ERC2: variants seen among roughly 807,000 people sequenced by gnomAD.
ERC2 encodes ERC protein 2.
ERC2 carries 42 observed loss-of-function variants against 114.8 expected under a neutral mutation model. That is an observed-to-expected ratio of 0.37 (90% CI 0.29 to 0.47). The LOEUF (loss-of-function observed/expected upper bound fraction) is 0.47. ERC2 is among the 20% of genes least tolerant of loss of function. ERC2 has a pLI of 0.99. For synonymous variants in ERC2, 454 were observed against 425.5 expected (o/e 1.07, Z -0.82); for missense variants, 939 against 1,150.7 (o/e 0.82, Z 2.66).
intron 17 of ERC2, among the ~76,000 whole-genome samples, chr3:55,601,037 G>A (rs917660664): frequency 2.0e-5 from 3 of 152,234 alleles, no homozygotes; most frequent in Admixed American, 6.5e-5. Context: ...CACACCATGC[G>A]GACGGGGGCT....
At chr3:55,689,909 C>T (rs999566394) in intron 16 of ERC2, among the ~76,000 whole-genome samples, 6 of 152,066 alleles carry the variant, frequency 3.9e-5, no homozygotes, top group African/African-American at 1.4e-4. Context: ...GTAAATTAAA[C>T]CACTTTGTGG....
intron 1 of ERC2, among the ~76,000 whole-genome samples, chr3:56,453,839 T>A (rs923654): frequency 0.34 from 52,122 of 151,846 alleles, 9,262 homozygotes; most frequent in Admixed American, 0.48. Context: ...GGAGGTGACA[T>A]AGTTGTACAA....
intron 10 of ERC2, among the ~76,000 whole-genome samples, chr3:56,003,604 A>G (rs1308881360): frequency 6.6e-6 from 1 of 152,126 alleles, no homozygotes; most frequent in Non-Finnish European, 1.5e-5. Flanking sequence ...TATTCGGTCT[A>G]TCTTCAGAAA....
chr3:55,523,440 T>A (rs1216235644), intron 17 of ERC2, among the ~76,000 whole-genome samples: 1 of 152,208 alleles, frequency 6.6e-6, no homozygotes, highest in African/African-American at 2.4e-5. Flanking sequence ...ACTTTCCCCA[T>A]CATCCTTTAT....
intron 4 of ERC2, among the ~76,000 whole-genome samples, chr3:56,158,678 A>G (rs965155244): frequency 6.6e-6 from 1 of 152,076 alleles, no homozygotes; most frequent in African/African-American, 2.4e-5. Context: ...AAAATTCTCA[A>G]TTTCCATAAA....
At chr3:55,611,147 A>T (rs1190913903) in intron 17 of ERC2, among the ~76,000 whole-genome samples, 1 of 152,274 alleles carries the variant, frequency 6.6e-6, no homozygotes, top group Non-Finnish European at 1.5e-5. Flanking sequence ...AATATTTTTC[A>T]AGGGAAGGCA....
intron 17 of ERC2, among the ~76,000 whole-genome samples, chr3:55,545,082 T>A (rs2054651397): frequency 6.6e-6 from 1 of 152,206 alleles, no homozygotes; most frequent in Admixed American, 6.5e-5. Context: ...GTATAAGTGC[T>A]TTCTCCAAAA....
At chr3:55,773,570 C>G (rs999694142) in intron 14 of ERC2, among the ~76,000 whole-genome samples, 3 of 152,196 alleles carry the variant, frequency 2.0e-5, no homozygotes, top group Non-Finnish European at 4.4e-5. Flanking sequence ...TCTTGCCTGT[C>G]TTATTATTTC....
chr3:56,460,847 G>A (rs185639418), intron 1 of ERC2, among the ~76,000 whole-genome samples: 54 of 152,078 alleles, frequency 3.6e-4, no homozygotes, highest in Admixed American at 2.2e-3. Flanking sequence ...GCGGCCTAGC[G>A]TGGTGGCTCA....
chr3:56,174,597 A>C (rs2082867520), intron 3 of ERC2, among the ~76,000 whole-genome samples: 1 of 152,224 alleles, frequency 6.6e-6, no homozygotes, highest in African/African-American at 2.4e-5. Flanking sequence ...AAAGAGGATC[A>C]ATATCATTTC....
At position 55,834,255 on chromosome 3, in the gene ERC2, T is replaced by C. The variant is rs1376910750; in HGVS notation, c.2564+54134A>G. Among the ~76,000 whole-genome samples the C allele has an allele frequency of 1.8e-4, 27 of 152,178 alleles. No homozygotes were observed. In the East Asian group the frequency reaches 4.2e-3, roughly 24 times the overall value. ...GAATTGAACTCAGCTCTGCACCAAG[T>C]GGACCTAATAGACATCTACAGAACT... On this transcript the variant is annotated intron_variant, in intron 14 of 17. Coordinates refer to ENST00000288221, the MANE Select transcript of ERC2 (RefSeq NM_015576.3).
At chr3:55,795,383 T>C (rs961272872) in intron 14 of ERC2, among the ~76,000 whole-genome samples, 1 of 152,202 alleles carries the variant, frequency 6.6e-6, no homozygotes, top group African/African-American at 2.4e-5. Context: ...CCATTGAGAA[T>C]GGAACCTTCC....
At chr3:56,366,538 T>C (rs781297039) in intron 2 of ERC2, among the ~76,000 whole-genome samples, 3 of 152,214 alleles carry the variant, frequency 2.0e-5, no homozygotes, top group African/African-American at 4.8e-5. Flanking sequence ...GTTAGCACTG[T>C]GTCTGATTCC....
At chr3:56,271,138 T>C (rs1001631786) in intron 3 of ERC2, among the ~76,000 whole-genome samples, 10 of 152,220 alleles carry the variant, frequency 6.6e-5, no homozygotes, top group Non-Finnish European at 1.5e-5. Context: ...AGCAACCCAG[T>C]GGTTCCCACT....
intron 14 of ERC2, among the ~76,000 whole-genome samples, chr3:55,768,374 T>A (rs889403433): frequency 6.6e-6 from 1 of 152,206 alleles, no homozygotes; most frequent in African/African-American, 2.4e-5. Flanking sequence ...AACTACTTAA[T>A]GATCACCAAC....
intron 3 of ERC2, among the ~76,000 whole-genome samples, chr3:56,216,843 A>G (rs1300207626): frequency 6.6e-6 from 1 of 152,238 alleles, no homozygotes; most frequent in Non-Finnish European, 1.5e-5. Context: ...CAACAAACGC[A>G]AATCAATAAA....
chr3:56,111,842 A>G (rs1315729393), intron 6 of ERC2, among the ~76,000 whole-genome samples: 4 of 152,234 alleles, frequency 2.6e-5, no homozygotes, highest in Non-Finnish European at 5.9e-5. Context: ...GGCCACTGCA[A>G]CAAATATTGC....
At chr3:56,139,737 G>T (rs919606686) in intron 5 of ERC2, 61 bp from the exon 6 acceptor site, 4 of 1,485,888 alleles carry the variant, frequency 2.7e-6, no homozygotes, top group Middle Eastern at 4.0e-4. Context: ...CTTTACATTG[G>T]ACAACTACTG....
In ERC2 at chr3:56,080,876, G is replaced by A. The variant is rs373620783; in HGVS notation, c.1582C>T (p.Arg528Cys). 1.6e-5 allele frequency: 26 copies of A among 1,613,514 alleles called. No homozygotes were observed. The highest frequency in any genetic ancestry group is 4.0e-5 in the African/African-American group (3 of 74,890). ...ACTTCTAACATATCTTTCATGTCAC[G>A]AATTTCACCGGCCAGTGTCCCCTTC... Reference protein sequence around the residue: ...EEKGTLAGEIRDMKDMLEVKE... With the variant: ...EEKGTLAGEICDMKDMLEVKE... The change falls in exon 7 of 18, where the codon CGT becomes TGT. Residue 528 changes from arginine (R) to cysteine (C), a missense_variant. By Grantham distance (180) the Arg-to-Cys change is radical. This residue lies in a region of ERC2 where 149 missense variants were observed against 254.6 expected (regional missense o/e 0.59). Coordinates refer to ENST00000288221, the MANE Select transcript of ERC2 (RefSeq NM_015576.3).
Sources: gnomAD v4.1 joint callset for allele counts (sites outside exome capture counted in the v4.1 genomes callset) on GRCh38, gnomAD v4.1.1 for gene constraint, gnomAD v4.1.1 regional missense constraint, MANE v1.5 for transcripts, NCBI Gene and HGNC (gene_info 2026-07-23, HGNC 2026-07-21) for gene names.